The following MRRF variants were observed in gnomAD, a reference collection of about 807,000 sequenced individuals.
MRRF encodes the protein ribosome-recycling factor, mitochondrial.
Under a neutral mutation model 25.1 loss-of-function variants are expected in MRRF, and 18 were observed. That is an observed-to-expected ratio of 0.72 (90% CI 0.50 to 1.06). The LOEUF (loss-of-function observed/expected upper bound fraction) is 1.06, where lower values mean the gene tolerates loss of function less well. Among genes scored for constraint, MRRF ranks in the 50% least tolerant of loss-of-function variants. MRRF has a pLI of 0.00. For synonymous variants in MRRF, 113 were observed against 112.1 expected (o/e 1.01, Z -0.05); for missense variants, 323 against 319.3 (o/e 1.01, Z -0.09).
intron 5 of MRRF, among the ~76,000 whole-genome samples, chr9:122,297,970 A>G (rs888742635): frequency 6.6e-6 from 1 of 152,166 alleles, no homozygotes; most frequent in African/African-American, 2.4e-5. Context: ...CTGTTTACTG[A>G]GTGCATACTG....
intron 4 of MRRF, among the ~76,000 whole-genome samples, chr9:122,287,501 A>T (rs556245657): frequency 3.3e-5 from 5 of 152,150 alleles, no homozygotes; most frequent in African/African-American, 1.2e-4. Flanking sequence ...ACTGTGGGCC[A>T]ATTTAGGGAA....
At chr9:122,272,556 T>C (rs962435867) in intron 2 of MRRF, among the ~76,000 whole-genome samples, 5 of 152,086 alleles carry the variant, frequency 3.3e-5, no homozygotes, top group Non-Finnish European at 7.4e-5. Context: ...TCCCAGCTAC[T>C]CAGGAGGCTG....
intron 4 of MRRF, among the ~76,000 whole-genome samples, chr9:122,287,874 C>A (rs1374958986): frequency 2.0e-5 from 3 of 152,164 alleles, no homozygotes; most frequent in Non-Finnish European, 4.4e-5. Flanking sequence ...AAACAAATAG[C>A]TCTAACTAAA....
intron 2 of MRRF, among the ~76,000 whole-genome samples, chr9:122,275,093 TCC>T (rs1329430318): frequency 1.3e-5 from 2 of 149,726 alleles, no homozygotes; most frequent in Non-Finnish European, 2.9e-5. Flanking sequence ...CATAGTTACC[TCC>T]TTTTTTTTTT....
chr9:122,295,317 T>G (rs1386860136), intron 5 of MRRF, among the ~76,000 whole-genome samples: 4 of 151,990 alleles, frequency 2.6e-5, no homozygotes, highest in African/African-American at 9.7e-5. Flanking sequence ...TTCAGAGAGG[T>G]GAGGCATTGG....
chr9:122,291,049 G>T (rs559598234), intron 4 of MRRF, among the ~76,000 whole-genome samples: 1 of 152,144 alleles, frequency 6.6e-6, no homozygotes, highest in Admixed American at 6.6e-5. Flanking sequence ...AAGATGCATC[G>T]CTCATGTTAT....
At chr9:122,280,619 T>C (rs752513408) in intron 3 of MRRF, 21 bp downstream of exon 3, 1 of 1,611,836 alleles carries the variant, frequency 6.2e-7, no homozygotes, top group Non-Finnish European at 8.5e-7. Flanking sequence ...GAACCAATGT[T>C]CTGGGGAGGG....
rs1588021638 is a variant in MRRF, at chr9:122,280,603, G to T, written c.340+5G>T. On this transcript the variant is annotated splice_donor_5th_base_variant and intron_variant, in intron 3 of 6. Coordinates refer to ENST00000344641, the MANE Select transcript of MRRF (RefSeq NM_138777.5). Reference sequence around the variant, plus strand: ...TCAATATAAGGACCTCACCAGGTTAGTGACTGAACCAATGTTCTGGGGAGG... The same window carrying T: ...TCAATATAAGGACCTCACCAGGTTATTGACTGAACCAATGTTCTGGGGAGG... The T allele has an allele frequency of 6.2e-7, 1 of 1,613,546 alleles. No individual in the cohort carries two copies. The highest frequency in any genetic ancestry group is 2.2e-5 in the East Asian group (1 of 44,866).
chr9:122,284,722 CTG>C (rs989974188), intron 3 of MRRF, among the ~76,000 whole-genome samples: 1 of 152,194 alleles, frequency 6.6e-6, no homozygotes, highest in African/African-American at 2.4e-5. Flanking sequence ...ACTGCTGTTC[CTG>C]TGAAAGCCCC....
chr9:122,285,849 T>C, intron 4 of MRRF: 1 of 1,285,448 alleles, frequency 7.8e-7, no homozygotes, highest in Admixed American at 2.6e-5. Context: ...TTGTGACCTC[T>C]GCATTAGTAT....
intron 6 of MRRF, among the ~76,000 whole-genome samples, chr9:122,316,066 CTGT>C (rs1391734964): frequency 1.3e-5 from 2 of 152,150 alleles, no homozygotes. Flanking sequence ...ACTCAGATGA[CTGT>C]TGTTAACATT....
At chr9:122,288,397 G>C (rs983562861) in intron 4 of MRRF, among the ~76,000 whole-genome samples, 1 of 152,090 alleles carries the variant, frequency 6.6e-6, no homozygotes, top group Admixed American at 6.6e-5. Context: ...GTAAAATTAG[G>C]CATTATTTAT....
intron 5 of MRRF, among the ~76,000 whole-genome samples, chr9:122,304,100 C>CACACACACACACACACACACACACA (rs907283393): frequency 5.3e-5 from 8 of 149,994 alleles, no homozygotes; most frequent in African/African-American, 2.0e-4. Flanking sequence ...CACACACACA[C>CACACACACACACACACACACACACA]CCTTTAGGGA....
chr9:122,309,482 T>C (rs1835072708), intron 5 of MRRF, among the ~76,000 whole-genome samples: 1 of 152,192 alleles, frequency 6.6e-6, no homozygotes, highest in Admixed American at 6.5e-5. Context: ...AGAATGATCT[T>C]CCACTATCCC....
chr9:122,298,499 A>G (rs1177472540), intron 5 of MRRF, among the ~76,000 whole-genome samples: 3 of 152,228 alleles, frequency 2.0e-5, no homozygotes, highest in Admixed American at 2.0e-4. Context: ...AACACAGAGT[A>G]GTTCAGTCAC....
At chr9:122,309,453 T>A (rs1160080285) in intron 5 of MRRF, among the ~76,000 whole-genome samples, 1 of 152,176 alleles carries the variant, frequency 6.6e-6, no homozygotes, top group Non-Finnish European at 1.5e-5. Flanking sequence ...TATTCTTATA[T>A]ATGCTATTCC....
chr9:122,298,675 A>G lies in MRRF; in HGVS notation c.551+6835A>G, dbSNP rs149674471. Among the ~76,000 whole-genome samples the G allele has an allele frequency of 2.2e-4, 33 of 152,354 alleles. 1 individual carries two copies. Among genetic ancestry groups the G allele is most frequent in the Admixed American group, 3.3e-4 (5 of 15,304 alleles). On this transcript the variant is annotated intron_variant, in intron 5 of 6. Coordinates refer to ENST00000344641, the MANE Select transcript of MRRF (RefSeq NM_138777.5). ...CTCAACAGACATTTATTGAATACCT[A>G]TTATATGCCAAGCATAGTGTTAGAC...
At position 122,309,117 on chromosome 9, in the gene MRRF, A is replaced by T. The variant is rs146711932; in HGVS notation, c.552-4110A>T. On this transcript the variant is annotated intron_variant, in intron 5 of 6. Coordinates refer to ENST00000344641, the MANE Select transcript of MRRF (RefSeq NM_138777.5). ...GAATTTGGCAGCTCTTAAGAACTTC[A>T]TGTAAGTGGAATCATACAATATGTG... Among the ~76,000 whole-genome samples the T allele has an allele frequency of 2.0e-5, 3 of 152,260 alleles. No individual in the cohort carries two copies. In the East Asian group the frequency reaches 5.8e-4, roughly 29 times the overall value.
At chr9:122,317,875 C>G (rs751698911) in intron 6 of MRRF, among the ~76,000 whole-genome samples, 1 of 152,036 alleles carries the variant, frequency 6.6e-6, no homozygotes, top group African/African-American at 2.4e-5. Flanking sequence ...CAGTGGCTCA[C>G]GCTTATAATC....
Sources: allele counts gnomAD v4.1 joint callset (sites outside exome capture counted in the v4.1 genomes callset), GRCh38; gene constraint gnomAD v4.1.1; transcripts MANE v1.5; gene names NCBI Gene and HGNC (gene_info 2026-07-23, HGNC 2026-07-21).